Variants in TBC1D4 observed in about 807,000 individuals in gnomAD.
TBC1D4 encodes TBC1 domain family member 4.
In TBC1D4, 121 loss-of-function variants were observed where a neutral mutation model predicts 142.5. That is an observed-to-expected ratio of 0.85 (90% CI 0.73 to 0.99). The LOEUF is 0.99. Among genes scored for constraint, TBC1D4 ranks in the 50% least tolerant of loss-of-function variants. The pLI is 0.00. For synonymous variants in TBC1D4, 630 were observed against 628.2 expected, an observed-to-expected ratio of 1.00 and a Z score of -0.04; for missense variants, 1,475 against 1,606.6, an observed-to-expected ratio of 0.92 and a Z score of 1.40.
chr13:75,430,203 T>A (rs1263236853), intron 1 of TBC1D4, among the ~76,000 whole-genome samples: 1 of 152,188 alleles, frequency 6.6e-6, no homozygotes, highest in Non-Finnish European at 1.5e-5. Context: ...TAACTGGAAA[T>A]TTATAAAATT....
intron 1 of TBC1D4, among the ~76,000 whole-genome samples, chr13:75,478,154 T>A (rs569797081): frequency 6.6e-6 from 1 of 152,310 alleles, no homozygotes; most frequent in South Asian, 2.1e-4. Context: ...CTCCAATATG[T>A]GAGTAGATAC....
intron 4 of TBC1D4, among the ~76,000 whole-genome samples, chr13:75,354,367 G>A (rs1881864860): frequency 6.6e-6 from 1 of 152,146 alleles, no homozygotes; most frequent in African/African-American, 2.4e-5. Context: ...GACTAGTTAG[G>A]ACATTAACAC....
At chr13:75,423,819 G>C (rs1886262390) in intron 1 of TBC1D4, among the ~76,000 whole-genome samples, 1 of 152,194 alleles carries the variant, frequency 6.6e-6, no homozygotes, top group South Asian at 2.1e-4. Flanking sequence ...AAAAATTACA[G>C]ATGGGATGGG....
intron 11 of TBC1D4, among the ~76,000 whole-genome samples, chr13:75,323,056 C>A (rs540418659): frequency 2.0e-5 from 3 of 152,022 alleles, no homozygotes; most frequent in Non-Finnish European, 4.4e-5. Flanking sequence ...GGACAAAAGA[C>A]CCTCAGGAAT....
intron 1 of TBC1D4, among the ~76,000 whole-genome samples, chr13:75,406,675 G>A (rs1007742341): frequency 6.6e-6 from 1 of 152,182 alleles, no homozygotes; most frequent in Non-Finnish European, 1.5e-5. Flanking sequence ...TACGATTCAT[G>A]TAAGAGTAGA....
intron 3 of TBC1D4, among the ~76,000 whole-genome samples, chr13:75,358,926 A>T (rs1014155671): frequency 6.6e-6 from 1 of 152,224 alleles, no homozygotes; most frequent in Non-Finnish European, 1.5e-5. Flanking sequence ...AAAGGGAAGA[A>T]TGTCTGAATA....
At chr13:75,399,156 A>T (rs1160260179) in intron 1 of TBC1D4, among the ~76,000 whole-genome samples, 2 of 152,154 alleles carry the variant, frequency 1.3e-5, no homozygotes, top group Non-Finnish European at 2.9e-5. Context: ...ATGAAATAAG[A>T]TCTCCCAAAA....
At chr13:75,434,875 C>T (rs77694190) in intron 1 of TBC1D4, among the ~76,000 whole-genome samples, 6,000 of 150,682 alleles carry the variant, frequency 0.04, 161 homozygotes, top group Middle Eastern at 0.071. Flanking sequence ...AGGCCTGGTA[C>T]GGTGGCTCAT....
chr13:75,421,740 T>C (rs1886178961), intron 1 of TBC1D4, among the ~76,000 whole-genome samples: 1 of 152,216 alleles, frequency 6.6e-6, no homozygotes, highest in Non-Finnish European at 1.5e-5. Flanking sequence ...TTTCCTTTAA[T>C]ATTAAAAATA....
At chr13:75,480,654 T>C (rs1888802720) in intron 1 of TBC1D4, among the ~76,000 whole-genome samples, 1 of 152,218 alleles carries the variant, frequency 6.6e-6, no homozygotes, top group African/African-American at 2.4e-5. Context: ...CCATTCAATA[T>C]CCAAATGTAG....
intron 1 of TBC1D4, among the ~76,000 whole-genome samples, chr13:75,450,223 T>A (rs1887478396): frequency 6.6e-6 from 1 of 152,194 alleles, no homozygotes; most frequent in Admixed American, 6.5e-5. Flanking sequence ...ATAGTTGCCA[T>A]TCATTTCTTT....
chr13:75,418,124 T>C (rs976876818), intron 1 of TBC1D4, among the ~76,000 whole-genome samples: 7 of 152,224 alleles, frequency 4.6e-5, no homozygotes, highest in Non-Finnish European at 1.0e-4. Flanking sequence ...ATGTTAGATT[T>C]GGCAAGGACT....
At chr13:75,438,071 A>C (rs192906178) in intron 1 of TBC1D4, among the ~76,000 whole-genome samples, 1 of 152,298 alleles carries the variant, frequency 6.6e-6, no homozygotes, top group East Asian at 1.9e-4. Flanking sequence ...CAATGTCATA[A>C]ACGTCTTTTC....
intron 1 of TBC1D4, among the ~76,000 whole-genome samples, chr13:75,385,356 A>T (rs761484677): frequency 6.6e-6 from 1 of 152,216 alleles, no homozygotes; most frequent in Non-Finnish European, 1.5e-5. Context: ...TGAACTAACC[A>T]ATGAATAAGC....
Position 75,286,666 on chromosome 13 carries a change from G to A in TBC1D4, c.*126C>T. 1.1e-6 allele frequency: 1 copy of A among 921,334 alleles called. No individual in the cohort carries two copies. Among genetic ancestry groups the A allele is most frequent in the Non-Finnish European group, 1.7e-6 (1 of 580,678 alleles). 57.1% of individuals were successfully genotyped at this position (921,334 alleles called of 1,614,324 possible). ...GCACGAGGTCCACCTGCTGTGACTA[G>A]GCGCTCAGCACCAGTATTAGGTGGT... On this transcript the variant is annotated 3_prime_UTR_variant, in exon 21 of 21. Coordinates refer to ENST00000377636, the MANE Select transcript of TBC1D4 (RefSeq NM_014832.5).
intron 1 of TBC1D4, among the ~76,000 whole-genome samples, chr13:75,396,690 A>G (rs1884810005): frequency 6.6e-6 from 1 of 152,304 alleles, no homozygotes; most frequent in Non-Finnish European, 1.5e-5. Flanking sequence ...GAAAAAAACA[A>G]TGATGAAGCA....
At chr13:75,350,947 A>T (rs1480859613) in intron 4 of TBC1D4, among the ~76,000 whole-genome samples, 1 of 152,220 alleles carries the variant, frequency 6.6e-6, no homozygotes, top group African/African-American at 2.4e-5. Context: ...CTATTATGAG[A>T]TCAGTGCAAC....
intron 1 of TBC1D4, among the ~76,000 whole-genome samples, chr13:75,429,829 T>C (rs1049492474): frequency 3.9e-5 from 6 of 152,072 alleles, no homozygotes; most frequent in Admixed American, 1.3e-4. Context: ...AAGAAAAACT[T>C]AGAAAAACCT....
At position 75,306,603 on chromosome 13, in the gene TBC1D4, T is replaced by C. The variant is rs577975603; in HGVS notation, c.2594-132A>G. ...CTGGTAGTGTATCTCAAAAAGAAAA[T>C]TTAAAACAAATTGAGGATACATGAA... On this transcript the variant is annotated intron_variant, in intron 14 of 20. Coordinates refer to ENST00000377636, the MANE Select transcript of TBC1D4 (RefSeq NM_014832.5). 2.3e-5 allele frequency: 25 copies of C among 1,084,094 alleles called. No individual in the cohort carries two copies. In the African/African-American group the frequency reaches 3.2e-4, roughly 14 times the overall value. The allele number at this position is 1,084,094 out of a possible 1,614,324, so 67.2% of individuals were successfully genotyped here. A position where few individuals can be genotyped will look rare whatever the true frequency, so the allele number is the denominator to read the frequency against.
Sources: allele counts gnomAD v4.1 joint callset (sites outside exome capture counted in the v4.1 genomes callset), GRCh38; gene constraint gnomAD v4.1.1; transcripts MANE v1.5; gene names NCBI Gene and HGNC (gene_info 2026-07-23, HGNC 2026-07-21).